The following RFC1 variants were observed in gnomAD, a reference collection of about 807,000 sequenced individuals.
The protein encoded by RFC1 is A1 140 kDa subunit.
In RFC1, 37 loss-of-function variants were observed where a neutral mutation model predicts 137.4. The ratio of observed to expected loss-of-function variants is 0.27; its 90% CI spans 0.21 to 0.35. The LOEUF (loss-of-function observed/expected upper bound fraction) is 0.35. RFC1 is among the 10% of genes least tolerant of loss of function. The pLI, the probability that RFC1 is intolerant of heterozygous loss-of-function variation, is 1.00. For synonymous variants in RFC1, 429 were observed against 455.7 expected (o/e 0.94, Z 0.75); for missense variants, 1,205 against 1,358.5 (o/e 0.89, Z 1.78).
At chr4:39,354,746 T>A in intron 1 of RFC1, among the ~76,000 whole-genome samples, 2 of 69,338 alleles carry the variant, frequency 2.9e-5, no homozygotes, top group South Asian at 5.0e-4. Context: ...AGTGAAACTA[T>A]CTCAAAAAAA....
intron 13 of RFC1, among the ~76,000 whole-genome samples, chr4:39,307,758 G>A (rs962479238): frequency 6.6e-6 from 1 of 151,658 alleles, no homozygotes; most frequent in African/African-American, 2.4e-5. Flanking sequence ...GTCTTCTCCA[G>A]GCACATGAAA....
intron 3 of RFC1, 141 bp downstream of exon 3, chr4:39,345,260 C>CT (rs933455963): frequency 3.3e-6 from 2 of 597,184 alleles, no homozygotes; most frequent in Admixed American, 6.5e-5. Flanking sequence ...AGTCATCTGC[C>CT]TGCCTTTGCC....
intron 12 of RFC1, among the ~76,000 whole-genome samples, chr4:39,309,862 G>A (rs1406603034): frequency 6.6e-6 from 1 of 152,130 alleles, no homozygotes; most frequent in African/African-American, 2.4e-5. Context: ...CTTTAGCAGT[G>A]GATGCTAAAA....
At chr4:39,293,454 C>T (rs1299133592) in intron 22 of RFC1, among the ~76,000 whole-genome samples, 3 of 152,100 alleles carry the variant, frequency 2.0e-5, no homozygotes, top group Non-Finnish European at 4.4e-5. Context: ...CATTCAGATT[C>T]TCAAAAGCAT....
At chr4:39,364,639 CAT>C (rs981484978) in intron 1 of RFC1, among the ~76,000 whole-genome samples, 1 of 152,128 alleles carries the variant, frequency 6.6e-6, no homozygotes, top group African/African-American at 2.4e-5. Context: ...TGTAACTTTC[CAT>C]AGAGTCCTTT....
At position 39,355,194 on chromosome 4, in the gene RFC1, G is replaced by A. The variant is rs564248587; in HGVS notation, c.4-3718C>T. Among the ~76,000 whole-genome samples the A allele has an allele frequency of 4.7e-5, 7 of 149,016 alleles. No homozygotes were observed. The South Asian group carries it at 1.3e-3, about 27-fold the overall frequency. On this transcript the variant is annotated intron_variant, in intron 1 of 24. Coordinates refer to ENST00000349703, the MANE Select transcript of RFC1 (RefSeq NM_002913.5). ...TCCCAACACTTTGAGAGGCCAAGGCGGGAGGATCATTTGAGCCCAAGAGTT... is the reference window on the plus strand; with the variant it reads ...TCCCAACACTTTGAGAGGCCAAGGCAGGAGGATCATTTGAGCCCAAGAGTT...
chr4:39,294,597 G>T (rs1022620792), intron 22 of RFC1, among the ~76,000 whole-genome samples: 4 of 151,806 alleles, frequency 2.6e-5, no homozygotes, highest in African/African-American at 7.3e-5. Context: ...TTGAACCTCA[G>T]AGGTGGAGCT....
chr4:39,335,669 A>G (rs1480989537), intron 4 of RFC1, among the ~76,000 whole-genome samples: 1 of 152,182 alleles, frequency 6.6e-6, no homozygotes, highest in East Asian at 1.9e-4. Flanking sequence ...GGCCACAGGT[A>G]CATTACCCAA....
chr4:39,326,622 CATCTGT>C lies in RFC1; in HGVS notation c.577_582del (p.Thr193_Asp194del). 1 of 1,612,222 alleles carries C rather than the reference CATCTGT, an allele frequency of 6.2e-7. No individual in the cohort carries two copies. Among genetic ancestry groups the C allele is most frequent in the South Asian group, 1.1e-5 (1 of 90,926 alleles). Reference sequence around the variant, plus strand: ...ATGGCTTCATCATTTAATCCAGACTCATCTGTATTTTGTGAAAGCTATATTTCAAAG... The same window carrying C: ...ATGGCTTCATCATTTAATCCAGACTCATTTTGTGAAAGCTATATTTCAAAG... On this transcript the variant is annotated inframe_deletion, in exon 6 of 25. Coordinates refer to ENST00000349703, the MANE Select transcript of RFC1 (RefSeq NM_002913.5).
chr4:39,327,723 G>T lies in RFC1; in HGVS notation c.365C>A (p.Ala122Asp). Reference protein sequence around the residue: ...EEDDFMCKKAASKSKENGRST... With the variant: ...EEDDFMCKKADSKSKENGRST... ...TCTTCCATTCTCTTTTGATTTAGAG[G>T]CCGCCTTCTTACACATAAAGTCATC... is the stretch of plus-strand genomic sequence containing the variant. The change falls in exon 5 of 25, where the codon GCC becomes GAC. Residue 122 changes from alanine (A) to aspartate (D), a missense_variant. Physicochemically the swap from Ala to Asp is moderately radical, Grantham distance 126. Transcript: ENST00000349703. The T allele has an allele frequency of 1.2e-6, 2 of 1,610,050 alleles. No individual in the cohort carries two copies. The highest frequency in any genetic ancestry group is 8.5e-7 in the Non-Finnish European group (1 of 1,178,724).
intron 4 of RFC1, among the ~76,000 whole-genome samples, chr4:39,328,435 CAG>C (rs1386929317): frequency 1.3e-5 from 2 of 152,032 alleles, no homozygotes; most frequent in African/African-American, 4.8e-5. Context: ...AAAAGTAAAA[CAG>C]GGTGAAAGAA....
intron 1 of RFC1, among the ~76,000 whole-genome samples, chr4:39,358,017 G>A (rs918095060): frequency 6.6e-6 from 1 of 152,054 alleles, no homozygotes; most frequent in African/African-American, 2.4e-5. Context: ...GCTCACACCT[G>A]TAATCCCAGC....
intron 10 of RFC1, among the ~76,000 whole-genome samples, chr4:39,314,823 T>C (rs1279221874): frequency 6.6e-6 from 1 of 152,202 alleles, no homozygotes; most frequent in Non-Finnish European, 1.5e-5. Context: ...ATATATTGTA[T>C]ACTTATCCCC....
chr4:39,303,216 G>C, intron 15 of RFC1, 65 bp from the exon 16 acceptor site: 1 of 1,056,944 alleles, frequency 9.5e-7, no homozygotes, highest in Non-Finnish European at 1.5e-6. Context: ...AAAAACTGCT[G>C]CTCTGTAGAA....
chr4:39,312,076 G>T (rs1047747477), intron 11 of RFC1, among the ~76,000 whole-genome samples: 3 of 152,168 alleles, frequency 2.0e-5, no homozygotes, highest in African/African-American at 7.2e-5. Context: ...AATTCTATAA[G>T]ACATGTTTCT....
At chr4:39,337,125 A>C (rs1740393184) in intron 4 of RFC1, among the ~76,000 whole-genome samples, 1 of 152,210 alleles carries the variant, frequency 6.6e-6, no homozygotes, top group South Asian at 2.1e-4. Context: ...CTATAATCCC[A>C]GCACTTTGGG....
intron 1 of RFC1, among the ~76,000 whole-genome samples, chr4:39,353,138 T>C (rs1440847273): frequency 1.3e-5 from 2 of 152,090 alleles, no homozygotes; most frequent in Non-Finnish European, 2.9e-5. Flanking sequence ...AGGTAGCTCA[T>C]GCCTATAATC....
Position 39,328,639 on chromosome 4 carries a change from G to A in RFC1, c.332-883C>T, listed in dbSNP as rs75340010. 3.4e-4 allele frequency among the ~76,000 whole-genome samples: 52 copies of A among 152,276 alleles called. No individual in the cohort carries two copies. In the East Asian group the frequency reaches 7.3e-3, roughly 21 times the overall value. On this transcript the variant is annotated intron_variant, in intron 4 of 24. Coordinates refer to ENST00000349703, the MANE Select transcript of RFC1 (RefSeq NM_002913.5). The stretch of plus-strand genomic sequence containing the variant: ...TGTGGCTGCAGCACAATGCGGAGGC[G>A]TGCCAGAAGAGTTCGGGTGAAAGAG...
intron 4 of RFC1, among the ~76,000 whole-genome samples, chr4:39,337,067 A>C (rs2109715885): frequency 6.6e-6 from 1 of 152,332 alleles, no homozygotes; most frequent in African/African-American, 2.4e-5. Flanking sequence ...GGGTTAAGCC[A>C]TTAAGTTATG....
Sources: gnomAD v4.1 joint callset for allele counts (sites outside exome capture counted in the v4.1 genomes callset) on GRCh38, gnomAD v4.1.1 for gene constraint, MANE v1.5 for transcripts, NCBI Gene and HGNC (gene_info 2026-07-23, HGNC 2026-07-21) for gene names.